Variants in CSMD1 observed in about 807,000 individuals in gnomAD.
CSMD1 encodes CUB and sushi domain-containing protein 1.
Under a neutral mutation model 417.5 loss-of-function variants are expected in CSMD1, and 213 were observed. The observed-to-expected ratio is 0.51, with a 90% CI of 0.46 to 0.57. The LOEUF (loss-of-function observed/expected upper bound fraction) is 0.57, where lower values mean the gene tolerates loss of function less well. Ranked by LOEUF, CSMD1 falls within the 20% of genes least tolerant of loss-of-function variation. The pLI is 0.00. For missense variants in CSMD1, 6,923 were observed against 4,529.7 expected (o/e 1.53, Z -15.17); for synonymous variants, 2,862 against 1,736.8 (o/e 1.65, Z -16.11).
At chr8:4,874,074 C>A (rs1311505349) in intron 1 of CSMD1, among the ~76,000 whole-genome samples, 1 of 152,092 alleles carries the variant, frequency 6.6e-6, no homozygotes, top group Non-Finnish European at 1.5e-5. Context: ...AAAACTTTAA[C>A]ATAGGCAAGC....
At chr8:4,299,977 T>C (rs1195905236) in intron 3 of CSMD1, among the ~76,000 whole-genome samples, 3 of 152,182 alleles carry the variant, frequency 2.0e-5, no homozygotes, top group Non-Finnish European at 4.4e-5. Context: ...TAATAGCTAT[T>C]AGAATTTCTG....
chr8:3,236,647 CAA>C (rs1395301969), intron 26 of CSMD1, among the ~76,000 whole-genome samples: 2 of 152,192 alleles, frequency 1.3e-5, no homozygotes, highest in Admixed American at 1.3e-4. Flanking sequence ...AGGCTCTTCA[CAA>C]AGTGATTGGC....
chr8:4,322,991 C>G (rs548733923), intron 3 of CSMD1, among the ~76,000 whole-genome samples: 3 of 152,250 alleles, frequency 2.0e-5, no homozygotes, highest in Admixed American at 2.0e-4. Flanking sequence ...TCTCAAAAAA[C>G]TACACTAAAA....
intron 3 of CSMD1, among the ~76,000 whole-genome samples, chr8:4,204,430 C>G (rs1799856916): frequency 6.6e-6 from 1 of 152,150 alleles, no homozygotes; most frequent in Non-Finnish European, 1.5e-5. Flanking sequence ...TAAGCTAATT[C>G]CAAAACCACT....
chr8:4,400,584 A>G (rs1440484458), intron 3 of CSMD1, among the ~76,000 whole-genome samples: 2 of 152,228 alleles, frequency 1.3e-5, no homozygotes, highest in African/African-American at 4.8e-5. Context: ...CTTTCATTAG[A>G]GCTGCTGGAG....
chr8:3,946,894 T>C (rs34793155), intron 5 of CSMD1, among the ~76,000 whole-genome samples: 14,362 of 152,212 alleles, frequency 0.094, 927 homozygotes, highest in South Asian at 0.18. Flanking sequence ...TATTGTGATC[T>C]CAAACCATGC....
At chr8:2,955,886 A>G in intron 63 of CSMD1, 118 bp from the exon 64 acceptor site, 1 of 678,314 alleles carries the variant, frequency 1.5e-6, no homozygotes, top group Non-Finnish European at 2.4e-6. Context: ...ATGTATATAT[A>G]CATATATATA....
At chr8:4,586,472 T>G (rs1168885386) in intron 2 of CSMD1, among the ~76,000 whole-genome samples, 1 of 152,216 alleles carries the variant, frequency 6.6e-6, no homozygotes, top group Non-Finnish European at 1.5e-5. Flanking sequence ...ATTTACTGGT[T>G]TAATGATAAA....
chr8:3,339,718 T>C (rs1807516157), intron 23 of CSMD1, among the ~76,000 whole-genome samples: 1 of 152,156 alleles, frequency 6.6e-6, no homozygotes, highest in Non-Finnish European at 1.5e-5. Context: ...GGGAATACAA[T>C]TTGAATGACA....
intron 3 of CSMD1, among the ~76,000 whole-genome samples, chr8:4,279,432 C>G (rs146086516): frequency 6.6e-6 from 1 of 152,120 alleles, no homozygotes; most frequent in Non-Finnish European, 1.5e-5. Flanking sequence ...GCAGTATTGT[C>G]CTTGGATAAG....
At chr8:4,151,315 G>C (rs562363356) in intron 3 of CSMD1, among the ~76,000 whole-genome samples, 4 of 152,130 alleles carry the variant, frequency 2.6e-5, no homozygotes, top group South Asian at 4.1e-4. Context: ...TAGATCCTAA[G>C]ATCAATGCTT....
chr8:4,234,731 C>T (rs575011508), intron 3 of CSMD1, among the ~76,000 whole-genome samples: 1 of 152,258 alleles, frequency 6.6e-6, no homozygotes, highest in Non-Finnish European at 1.5e-5. Flanking sequence ...GCTGCTGCCG[C>T]TGAAAACTGG....
intron 5 of CSMD1, among the ~76,000 whole-genome samples, chr8:3,759,195 G>A (rs775414887): frequency 6.6e-6 from 1 of 152,146 alleles, no homozygotes; most frequent in African/African-American, 2.4e-5. Context: ...TTGTTGAGAT[G>A]TATACATTAA....
intron 1 of CSMD1, among the ~76,000 whole-genome samples, chr8:4,939,421 G>T (rs765957352): frequency 6.6e-6 from 1 of 152,118 alleles, no homozygotes; most frequent in East Asian, 1.9e-4. Context: ...CAGGTGAATC[G>T]ATAAAGAAAC....
intron 3 of CSMD1, among the ~76,000 whole-genome samples, chr8:4,136,135 G>A (rs371474080): frequency 6.6e-6 from 1 of 152,144 alleles, no homozygotes; most frequent in East Asian, 1.9e-4. Flanking sequence ...CTCTCAAAAA[G>A]AACTGCTATA....
intron 3 of CSMD1, among the ~76,000 whole-genome samples, chr8:4,088,671 T>G (rs1800550340): frequency 2.6e-5 from 4 of 152,108 alleles, no homozygotes. Context: ...GTTTTCACCT[T>G]CAGCTCATTC....
intron 10 of CSMD1, among the ~76,000 whole-genome samples, chr8:3,566,885 A>G (rs1405826587): frequency 1.3e-5 from 2 of 152,196 alleles, no homozygotes; most frequent in Non-Finnish European, 2.9e-5. Flanking sequence ...CCTGACATCT[A>G]AAGACAGAAA....
intron 47 of CSMD1, among the ~76,000 whole-genome samples, chr8:3,093,907 T>C (rs1485330818): frequency 6.6e-6 from 1 of 151,722 alleles, no homozygotes; most frequent in African/African-American, 2.4e-5. Flanking sequence ...TGCAAAAGAG[T>C]GGCTGGTATT....
intron 6 of CSMD1, among the ~76,000 whole-genome samples, chr8:3,720,635 A>T (rs1563308721): frequency 6.6e-6 from 1 of 151,562 alleles, no homozygotes; most frequent in Non-Finnish European, 1.5e-5. Context: ...ACACACACAC[A>T]CACACACACA....
Sources: allele counts gnomAD v4.1 joint callset (sites outside exome capture counted in the v4.1 genomes callset), GRCh38; gene constraint gnomAD v4.1.1; transcripts MANE v1.5; gene names NCBI Gene and HGNC (gene_info 2026-07-23, HGNC 2026-07-21).